GOLPH3: variants seen among roughly 807,000 people sequenced by gnomAD.
The protein encoded by GOLPH3 is coat protein GPP34.
In GOLPH3, 14 loss-of-function variants were observed where a neutral mutation model predicts 28.5. That is an observed-to-expected ratio of 0.49 (90% confidence interval 0.32 to 0.77). GOLPH3 has a LOEUF of 0.77. Ranked by LOEUF, GOLPH3 falls within the 30% of genes least tolerant of loss-of-function variation. GOLPH3 has a pLI of 0.03. For synonymous variants in GOLPH3, 158 were observed against 159.2 expected (o/e 0.99, Z 0.06); for missense variants, 350 against 393.7 (o/e 0.89, Z 0.94).
intron 1 of GOLPH3, among the ~76,000 whole-genome samples, chr5:32,169,920 A>G (rs1431258198): frequency 2.6e-5 from 4 of 151,996 alleles, no homozygotes; most frequent in African/African-American, 7.3e-5. Flanking sequence ...CAAAAAACAA[A>G]TATCATTGGT....
At chr5:32,135,386 G>A (rs1581538779) in intron 3 of GOLPH3, among the ~76,000 whole-genome samples, 186 bp downstream of exon 3, 1 of 152,172 alleles carries the variant, frequency 6.6e-6, no homozygotes, top group African/African-American at 2.4e-5. Flanking sequence ...TATCTGTTCA[G>A]TATTGTTAAA....
chr5:32,142,843 C>A (rs191372050), intron 2 of GOLPH3, among the ~76,000 whole-genome samples: 3 of 146,302 alleles, frequency 2.1e-5, no homozygotes, highest in African/African-American at 5.2e-5. Context: ...GTCAGCCCCC[C>A]GCCCGGCCAG....
intron 1 of GOLPH3, among the ~76,000 whole-genome samples, chr5:32,153,745 A>AT (rs896621910): frequency 2.0e-5 from 3 of 152,106 alleles, no homozygotes; most frequent in Admixed American, 6.6e-5. Flanking sequence ...ACGTAAACAG[A>AT]TTTTTTTTCC....
intron 2 of GOLPH3, among the ~76,000 whole-genome samples, chr5:32,142,264 C>T (rs1395035466): frequency 1.3e-5 from 2 of 150,262 alleles, no homozygotes; most frequent in African/African-American, 4.9e-5. Flanking sequence ...CCGCCCCGTC[C>T]GGGATGTGAG....
intron 1 of GOLPH3, among the ~76,000 whole-genome samples, chr5:32,157,085 G>T (rs985846739): frequency 6.6e-6 from 1 of 152,170 alleles, no homozygotes; most frequent in African/African-American, 2.4e-5. Flanking sequence ...TTTCACAGAA[G>T]TAACAGCCAG....
intron 1 of GOLPH3, among the ~76,000 whole-genome samples, chr5:32,162,005 C>T (rs188844004): frequency 0.011 from 1,612 of 148,736 alleles, 22 homozygotes; most frequent in Non-Finnish European, 0.017. Flanking sequence ...CCAGCCTGGG[C>T]GACAGAGCGA....
intron 3 of GOLPH3, among the ~76,000 whole-genome samples, chr5:32,131,920 G>T (rs1581537215): frequency 6.6e-6 from 1 of 152,190 alleles, no homozygotes; most frequent in Non-Finnish European, 1.5e-5. Context: ...CATGCCTTAA[G>T]ATTTCAGAAG....
intron 1 of GOLPH3, among the ~76,000 whole-genome samples, chr5:32,154,422 C>T (rs1746373827): frequency 6.6e-6 from 1 of 152,126 alleles, no homozygotes; most frequent in South Asian, 2.1e-4. Context: ...TAGTAGTGAG[C>T]AAAGACAGTA....
At chr5:32,147,785 A>T (rs908228865) in intron 1 of GOLPH3, among the ~76,000 whole-genome samples, 1 of 152,202 alleles carries the variant, frequency 6.6e-6, no homozygotes, top group Non-Finnish European at 1.5e-5. Context: ...CATGAAAATA[A>T]CTATGAACCA....
chr5:32,166,974 G>A (rs932948547), intron 1 of GOLPH3, among the ~76,000 whole-genome samples: 1 of 151,552 alleles, frequency 6.6e-6, no homozygotes, highest in African/African-American at 2.4e-5. Context: ...GAAGGGGGGG[G>A]GAGTTTGCAA....
At chr5:32,152,038 G>A (rs1232721788) in intron 1 of GOLPH3, among the ~76,000 whole-genome samples, 2 of 152,170 alleles carry the variant, frequency 1.3e-5, no homozygotes, top group African/African-American at 4.8e-5. Context: ...TAGTGGTGAT[G>A]ACGGCACAGT....
At chr5:32,136,574 T>C (rs1454029698) in intron 2 of GOLPH3, among the ~76,000 whole-genome samples, 4 of 152,238 alleles carry the variant, frequency 2.6e-5, no homozygotes, top group African/African-American at 9.6e-5. Context: ...CCTTGGACTA[T>C]GTGATCCAGA....
chr5:32,148,902 G>A (rs1165261261), intron 1 of GOLPH3, among the ~76,000 whole-genome samples: 3 of 152,192 alleles, frequency 2.0e-5, no homozygotes, highest in Non-Finnish European at 4.4e-5. Context: ...TTGAACCTGG[G>A]AGGCAGAGGT....
chr5:32,143,639 G>A (rs888748521), intron 2 of GOLPH3, 110 bp downstream of exon 2: 22 of 967,464 alleles, frequency 2.3e-5, no homozygotes, highest in South Asian at 6.6e-5. Flanking sequence ...ATTGAAGAAA[G>A]ACAACTTTAA....
At chr5:32,130,729 A>C (rs972100962) in intron 3 of GOLPH3, among the ~76,000 whole-genome samples, 35 of 152,070 alleles carry the variant, frequency 2.3e-4, no homozygotes, top group Admixed American at 3.3e-4. Flanking sequence ...CTATACACAC[A>C]TCCCTCTAAT....
At chr5:32,146,515 T>A (rs1746182313) in intron 1 of GOLPH3, among the ~76,000 whole-genome samples, 1 of 152,146 alleles carries the variant, frequency 6.6e-6, no homozygotes, top group South Asian at 2.1e-4. Flanking sequence ...GTATTGTTTA[T>A]TAAGTCCCCT....
chr5:32,135,992 T>G (rs1305086440), intron 2 of GOLPH3, among the ~76,000 whole-genome samples: 1 of 152,048 alleles, frequency 6.6e-6, no homozygotes, highest in Non-Finnish European at 1.5e-5. Context: ...CCGGCCCACA[T>G]GGCAAAACCC....
chr5:32,147,038 AT>A (rs1462601295), intron 1 of GOLPH3, among the ~76,000 whole-genome samples: 2 of 152,370 alleles, frequency 1.3e-5, no homozygotes, highest in African/African-American at 4.8e-5. Flanking sequence ...GTGTAATCTT[AT>A]TTTGAAGTTA....
intron 1 of GOLPH3, among the ~76,000 whole-genome samples, chr5:32,144,928 A>T (rs1746156473): frequency 6.6e-6 from 1 of 152,240 alleles, no homozygotes; most frequent in Non-Finnish European, 1.5e-5. Context: ...AGTTCTCATG[A>T]GACAGCAGAA....
Sources: allele counts gnomAD v4.1 joint callset (sites outside exome capture counted in the v4.1 genomes callset), GRCh38; gene constraint gnomAD v4.1.1; transcripts MANE v1.5; gene names NCBI Gene and HGNC (gene_info 2026-07-23, HGNC 2026-07-21).